LRRC52: variants seen among roughly 807,000 people sequenced by gnomAD.
The protein encoded by LRRC52 is leucine rich repeat containing 52.
LRRC52 carries 15 observed loss-of-function variants against 14.7 expected under a neutral mutation model. That is an observed-to-expected ratio of 1.02 (90% CI 0.68 to 1.58). The LOEUF is 1.58. LRRC52 is among the 40% of genes most tolerant of loss of function. The pLI is 0.00. For missense variants in LRRC52, 400 were observed against 387.7 expected (o/e 1.03, Z -0.27); for synonymous variants, 180 against 163.9 (o/e 1.10, Z -0.75).
In LRRC52 at chr1:165,563,767, CCGG is replaced by C. The variant is rs748340114; in HGVS notation, c.889_891del (p.Arg297del). 2 of 1,614,176 alleles carry C rather than the reference CCGG, an allele frequency of 1.2e-6. No homozygotes were observed. Among genetic ancestry groups the C allele is most frequent in the Admixed American group, 3.3e-5 (2 of 60,018 alleles). ...AGGCCGGGACTAGGGTGGAAGTCAG[CCGG>C]CGGATTTTTCAAACCCAGACGAGCT... On this transcript the variant is annotated inframe_deletion, in exon 2 of 2. Transcript: ENST00000294818.
intron 1 of LRRC52, among the ~76,000 whole-genome samples, chr1:165,561,919 G>T (rs1432233846): frequency 6.6e-6 from 1 of 152,220 alleles, no homozygotes; most frequent in South Asian, 2.1e-4. Context: ...ACTTACTTCT[G>T]TACTTTTTCT....
Position 165,563,725 on chromosome 1 carries a change from TGAA to T in LRRC52, c.849_851del (p.Glu283del), listed in dbSNP as rs781443390. On this transcript the variant is annotated inframe_deletion, in exon 2 of 2. Transcript: ENST00000294818. The stretch of plus-strand genomic sequence containing the variant: ...ACCAGAACACCCGCCACAAGTCGAG[TGAA>T]GAAGATGAGGACGAGGCCGGGACTA... The T allele has an allele frequency of 6.2e-7, 1 of 1,614,024 alleles. No individual in the cohort carries two copies. The highest frequency in any genetic ancestry group is 8.5e-7 in the Non-Finnish European group (1 of 1,180,008).
intron 1 of LRRC52, among the ~76,000 whole-genome samples, chr1:165,553,369 C>A (rs916222347): frequency 6.6e-6 from 1 of 152,174 alleles, no homozygotes; most frequent in Admixed American, 6.5e-5. Flanking sequence ...TCCCTGATGT[C>A]TTGGGCAGTT....
At chr1:165,561,354 T>A (rs1279296479) in intron 1 of LRRC52, among the ~76,000 whole-genome samples, 1 of 152,228 alleles carries the variant, frequency 6.6e-6, no homozygotes, top group Non-Finnish European at 1.5e-5. Flanking sequence ...TGTTTGCCTT[T>A]CTCAAATACA....
intron 1 of LRRC52, among the ~76,000 whole-genome samples, chr1:165,551,384 G>A (rs377192099): frequency 2.0e-5 from 3 of 152,162 alleles, no homozygotes; most frequent in African/African-American, 7.2e-5. Flanking sequence ...CCTGTGTTCT[G>A]GACCTTCAGT....
Position 165,544,211 on chromosome 1 carries a change from C to G in LRRC52, c.-86C>G. 2 of 1,106,952 alleles carry G rather than the reference C, an allele frequency of 1.8e-6. 1 individual carries two copies. Among genetic ancestry groups the G allele is most frequent in the South Asian group, 3.0e-5 (2 of 66,638 alleles). The allele number at this position is 1,106,952 out of a possible 1,614,324, so 68.6% of individuals were successfully genotyped here. A position where few individuals can be genotyped will look rare whatever the true frequency, so the allele number is the denominator to read the frequency against. On this transcript the variant is annotated 5_prime_UTR_variant, in exon 1 of 2. Coordinates refer to ENST00000294818, the MANE Select transcript of LRRC52 (RefSeq NM_001005214.4). ...TTACAGTTCTTTCCAGAGCCCCTCC[C>G]CCGCCCCACCCCCCCACCGGCAGCC...
At position 165,544,408 on chromosome 1, in the gene LRRC52, A is replaced by G. The variant is rs780560522; in HGVS notation, c.112A>G (p.Ile38Val). ...NNCLCQAQEV[I>V]CTGKQLTEYP... Reference sequence around the variant, plus strand: ...TTGTCTGTGTCAAGCCCAAGAAGTAATCTGCACAGGGAAGCAGTTAACCGA... The same window carrying G: ...TTGTCTGTGTCAAGCCCAAGAAGTAGTCTGCACAGGGAAGCAGTTAACCGA... Residue 38 changes from isoleucine (I) to valine (V), a missense_variant, in exon 1 of 2, where the codon ATC becomes GTC. Physicochemically the swap from Ile to Val is conservative, Grantham distance 29 (BLOSUM62 3). Transcript: ENST00000294818. 6.8e-6 allele frequency: 11 copies of G among 1,614,112 alleles called. No homozygotes were observed. The South Asian group carries it at 1.1e-4, about 16-fold the overall frequency.
At chr1:165,548,075 A>G (rs2101824289) in intron 1 of LRRC52, among the ~76,000 whole-genome samples, 1 of 152,302 alleles carries the variant, frequency 6.6e-6, no homozygotes, top group South Asian at 2.1e-4. Flanking sequence ...GTATCTCTCT[A>G]CATATATCCA....
intron 1 of LRRC52, among the ~76,000 whole-genome samples, chr1:165,562,529 A>T (rs901653053): frequency 2.0e-5 from 3 of 152,220 alleles, no homozygotes; most frequent in Non-Finnish European, 4.4e-5. Context: ...TATGTCAGTC[A>T]GTTCTCTCAA....
In LRRC52 at chr1:165,544,150, C is replaced by T. The variant is rs1660961038; in HGVS notation, c.-147C>T. 5.9e-6 allele frequency: 6 copies of T among 1,010,456 alleles called. No homozygotes were observed. The highest frequency in any genetic ancestry group is 8.7e-6 in the Non-Finnish European group (6 of 693,262). The allele number at this position is 1,010,456 out of a possible 1,614,324, so 62.6% of individuals were successfully genotyped here. On this transcript the variant is annotated 5_prime_UTR_variant, in exon 1 of 2. Coordinates refer to ENST00000294818, the MANE Select transcript of LRRC52 (RefSeq NM_001005214.4). Reference sequence around the variant, plus strand: ...GCGTTTCAATTTCTGTTCAGTTCTCCTGTAATGGAAAATTGCTTTGCACAA... The same window carrying T: ...GCGTTTCAATTTCTGTTCAGTTCTCTTGTAATGGAAAATTGCTTTGCACAA...
Position 165,548,932 on chromosome 1 carries a change from G to A in LRRC52, c.622+4014G>A, listed in dbSNP as rs373356630. On this transcript the variant is annotated intron_variant, in intron 1 of 1. Transcript: ENST00000294818. ...TGGACTTCAGGAAGGCTCAGCATAC[G>A]TGGTGTTAGAGGACAACGCACCCTG... Among the ~76,000 whole-genome samples the A allele has an allele frequency of 1.6e-4, 25 of 152,284 alleles. No homozygotes were observed. In the South Asian group the frequency reaches 2.3e-3, roughly 14 times the overall value.
intron 1 of LRRC52, among the ~76,000 whole-genome samples, chr1:165,554,531 C>T (rs1349415416): frequency 6.6e-6 from 1 of 152,174 alleles, no homozygotes; most frequent in African/African-American, 2.4e-5. Context: ...GCAGCCTTGA[C>T]TTACCAGGCT....
In LRRC52 at chr1:165,551,130, A is replaced by G. The variant is rs923504350; in HGVS notation, c.622+6212A>G. On this transcript the variant is annotated intron_variant, in intron 1 of 1. Coordinates refer to ENST00000294818, the MANE Select transcript of LRRC52 (RefSeq NM_001005214.4). ...ATTAGGAAGTTCATTTAAGAAACAG[A>G]TGCCTCTAACTCCTGTACTCTCCCA... Among the ~76,000 whole-genome samples, 3 of 152,128 alleles carry G rather than the reference A, an allele frequency of 2.0e-5. No homozygotes were observed. In the South Asian group the frequency reaches 6.2e-4, roughly 32 times the overall value.
rs749124678 is a variant in LRRC52 at position 165,563,788 on chromosome 1, G to A, written c.906G>A (p.Gln302=). 3.1e-6 allele frequency: 5 copies of A among 1,614,064 alleles called. No homozygotes were observed. The Admixed American group carries it at 6.7e-5, about 22-fold the overall frequency. ...VEVSRRIFQT[Q]TSSVQEFPQL... ...TCAGCCGGCGGATTTTTCAAACCCA[G>A]ACGAGCTCGGTCCAGGAGTTCCCTC... Residue 302 remains glutamine, a synonymous_variant, in exon 2 of 2, where the codon CAG becomes CAA. Transcript: ENST00000294818.
rs1330676656 is a variant in LRRC52, at chr1:165,544,410, C to A, written c.114C>A (p.Ile38=). The change falls in exon 1 of 2, where the codon ATC becomes ATA. Residue 38 remains isoleucine (I), a synonymous_variant. Transcript: ENST00000294818. ...GTCTGTGTCAAGCCCAAGAAGTAAT[C>A]TGCACAGGGAAGCAGTTAACCGAAT... The part of the protein sequence containing the change: ...NNCLCQAQEV[I]CTGKQLTEYP... 11 of 1,614,012 alleles carry A rather than the reference C, an allele frequency of 6.8e-6. No homozygotes were observed. Among genetic ancestry groups the A allele is most frequent in the Non-Finnish European group, 9.3e-6 (11 of 1,180,032 alleles).
chr1:165,549,908 A>T (rs1294912215), intron 1 of LRRC52, among the ~76,000 whole-genome samples: 1 of 152,212 alleles, frequency 6.6e-6, no homozygotes, highest in Admixed American at 6.5e-5. Flanking sequence ...TGGCATACTC[A>T]CCAGATGTAC....
intron 1 of LRRC52, among the ~76,000 whole-genome samples, chr1:165,563,233 C>A (rs1661385565): frequency 6.6e-6 from 1 of 152,172 alleles, no homozygotes; most frequent in African/African-American, 2.4e-5. Context: ...AGCCTGGGGA[C>A]AAGGAACAGT....
chr1:165,556,058 A>G (rs1227757142), intron 1 of LRRC52, among the ~76,000 whole-genome samples: 1 of 152,266 alleles, frequency 6.6e-6, no homozygotes, highest in African/African-American at 2.4e-5. Flanking sequence ...GCTACCCCTG[A>G]GTAGGGATTA....
Position 165,544,452 on chromosome 1 carries a change from C to A in LRRC52, c.156C>A (p.Pro52=), listed in dbSNP as rs771817384. The change falls in exon 1 of 2, where the codon CCC becomes CCA. Residue 52 remains proline (P), a synonymous_variant. Transcript: ENST00000294818. ...KQLTEYPLDI[P]LNTRRLFLNE... The stretch of plus-strand genomic sequence containing the variant: ...TAACCGAATACCCCCTTGACATACC[C>A]CTGAACACCCGGAGGCTGTTCCTGA... 6 of 1,614,132 alleles carry A rather than the reference C, an allele frequency of 3.7e-6. No homozygotes were observed. Among genetic ancestry groups the A allele is most frequent in the Non-Finnish European group, 5.1e-6 (6 of 1,180,024 alleles).
Sources: gnomAD v4.1 joint callset for allele counts (sites outside exome capture counted in the v4.1 genomes callset) on GRCh38, gnomAD v4.1.1 for gene constraint, MANE v1.5 for transcripts, NCBI Gene and HGNC (gene_info 2026-07-23, HGNC 2026-07-21) for gene names.